Variants in MYRIP observed in about 807,000 individuals in gnomAD.
MYRIP encodes rab effector MyRIP.
MYRIP carries 49 observed loss-of-function variants against 98.0 expected under a neutral mutation model. That is an observed-to-expected ratio of 0.50 (90% confidence interval 0.40 to 0.63). The LOEUF (loss-of-function observed/expected upper bound fraction) is 0.63. Among genes scored for constraint, MYRIP ranks in the 30% least tolerant of loss-of-function variants. MYRIP has a pLI of 0.00. For synonymous variants in MYRIP, 404 were observed against 409.5 expected (o/e 0.99, Z 0.16); for missense variants, 1,004 against 1,058.2 (o/e 0.95, Z 0.71).
At chr3:39,850,193 TTGAC>T (rs1942088203) in intron 1 of MYRIP, among the ~76,000 whole-genome samples, 1 of 152,186 alleles carries the variant, frequency 6.6e-6, no homozygotes, top group Non-Finnish European at 1.5e-5. Flanking sequence ...CTGTAGTTCA[TTGAC>T]TGGGAAGCTG....
chr3:40,200,131 T>TTTTTTTTTTTTTTTTTTTTTTTTTTTG, intron 10 of MYRIP, among the ~76,000 whole-genome samples: 1 of 149,770 alleles, frequency 6.7e-6, no homozygotes, highest in East Asian at 2.0e-4. Flanking sequence ...ATTTTCTTTT[T>TTTTTTTTTTTTTTTTTTTTTTTTTTTG]ATCATAGGCC....
chr3:40,251,787 C>A, intron 15 of MYRIP, 94 bp from the exon 16 acceptor site: 3 of 816,958 alleles, frequency 3.7e-6, no homozygotes, highest in Non-Finnish European at 6.3e-6. Context: ...AAGTCTAGAA[C>A]AAAAGTCTGA....
intron 3 of MYRIP, among the ~76,000 whole-genome samples, chr3:40,127,684 G>T (rs1191045073): frequency 6.6e-6 from 1 of 152,214 alleles, no homozygotes; most frequent in Non-Finnish European, 1.5e-5. Context: ...CACAGGCTGT[G>T]CTACCCAGAC....
chr3:39,860,482 G>T (rs1245412188), intron 1 of MYRIP, among the ~76,000 whole-genome samples: 1 of 152,164 alleles, frequency 6.6e-6, no homozygotes, highest in Non-Finnish European at 1.5e-5. Flanking sequence ...ACAGATCAGG[G>T]TGATCTTGTT....
intron 3 of MYRIP, among the ~76,000 whole-genome samples, chr3:40,136,324 G>A (rs928714097): frequency 6.6e-6 from 1 of 152,210 alleles, no homozygotes; most frequent in Non-Finnish European, 1.5e-5. Context: ...AATTCAACAA[G>A]AAGAACTAAC....
intron 2 of MYRIP, among the ~76,000 whole-genome samples, chr3:40,042,277 G>A: frequency 9.0e-6 from 1 of 111,160 alleles, no homozygotes; most frequent in Admixed American, 1.1e-4. Context: ...ATATAATAAA[G>A]ACTGGAAGGA....
chr3:40,254,145 G>A (rs1038730492), intron 16 of MYRIP, among the ~76,000 whole-genome samples: 4 of 152,240 alleles, frequency 2.6e-5, no homozygotes, highest in East Asian at 3.9e-4. Context: ...GAAAAATAAC[G>A]AGACAAGTCC....
At chr3:40,128,433 A>C (rs1030506413) in intron 3 of MYRIP, among the ~76,000 whole-genome samples, 1 of 152,202 alleles carries the variant, frequency 6.6e-6, no homozygotes, top group African/African-American at 2.4e-5. Context: ...ACTTCCAAAC[A>C]GCATGTAGTT....
chr3:40,174,677 A>T (rs545156652), intron 8 of MYRIP: 1 of 152,296 alleles, frequency 6.6e-6, no homozygotes, highest in Non-Finnish European at 1.5e-5. Flanking sequence ...GTGGGGTTTT[A>T]ATGGAAGCCT....
At chr3:40,079,927 A>G (rs1352952366) in intron 3 of MYRIP, among the ~76,000 whole-genome samples, 1 of 152,256 alleles carries the variant, frequency 6.6e-6, no homozygotes, top group Non-Finnish European at 1.5e-5. Flanking sequence ...AACTAATTTT[A>G]CCATATTAAA....
chr3:39,831,382 C>G (rs1941440483), intron 1 of MYRIP, among the ~76,000 whole-genome samples: 1 of 152,168 alleles, frequency 6.6e-6, no homozygotes, highest in African/African-American at 2.4e-5. Flanking sequence ...CTTCTAAAAG[C>G]TGAACTCCTG....
chr3:40,218,348 T>C (rs1952188117), intron 11 of MYRIP, among the ~76,000 whole-genome samples: 1 of 151,834 alleles, frequency 6.6e-6, no homozygotes, highest in African/African-American at 2.4e-5. Context: ...CATGACATTC[T>C]GGAGAAGGCA....
At chr3:39,939,174 A>G (rs1038719177) in intron 2 of MYRIP, among the ~76,000 whole-genome samples, 11 of 152,118 alleles carry the variant, frequency 7.2e-5, no homozygotes, top group Admixed American at 2.6e-4. Context: ...TGCCAATCCC[A>G]TTAATGAATT....
At chr3:39,984,139 TAGAC>T (rs1391712586) in intron 2 of MYRIP, among the ~76,000 whole-genome samples, 1 of 152,116 alleles carries the variant, frequency 6.6e-6, no homozygotes, top group Non-Finnish European at 1.5e-5. Context: ...CAGGCCAACT[TAGAC>T]AGACTAGGGA....
chr3:40,172,875 C>CA lies in MYRIP; in HGVS notation c.873+2783dup, dbSNP rs538667804. On this transcript the variant is annotated intron_variant, in intron 8 of 16. Coordinates refer to ENST00000302541, the MANE Select transcript of MYRIP (RefSeq NM_015460.4). ...CACTCACTGCATCTTGGGGCTGTCTCATTCTTCCTTTATCAGAAGCTGAAA... is the reference window on the plus strand; with the variant it reads ...CACTCACTGCATCTTGGGGCTGTCTCAATTCTTCCTTTATCAGAAGCTGAAA... Among the ~76,000 whole-genome samples the CA allele has an allele frequency of 1.2e-3, 182 of 152,314 alleles. 1 individual carries two copies. Among genetic ancestry groups the CA allele is most frequent in the Non-Finnish European group, 1.1e-3 (72 of 68,032 alleles).
intron 1 of MYRIP, among the ~76,000 whole-genome samples, chr3:39,896,390 A>C (rs6804342): frequency 9.9e-4 from 151 of 152,168 alleles, no homozygotes; most frequent in African/African-American, 3.6e-3. Flanking sequence ...AACACCCTTG[A>C]AGGTGAAAGA....
chr3:39,875,125 G>T (rs1158077191), intron 1 of MYRIP, among the ~76,000 whole-genome samples: 16 of 152,162 alleles, frequency 1.1e-4, no homozygotes, highest in African/African-American at 3.4e-4. Context: ...TAATTTATTT[G>T]TGTAAAGGTG....
In MYRIP at chr3:40,212,259, C is replaced by T. The variant is rs1282661115; in HGVS notation, c.1905+2166C>T. 2.4e-4 allele frequency among the ~76,000 whole-genome samples: 24 copies of T among 100,878 alleles called. 1 individual carries two copies. Among genetic ancestry groups the T allele is most frequent in the South Asian group, 3.3e-4 (1 of 3,068 alleles). 66.2% of individuals were successfully genotyped at this position (100,878 alleles called of 152,430 possible). A position where few individuals can be genotyped will look rare whatever the true frequency, so the allele number is the denominator to read the frequency against. On this transcript the variant is annotated intron_variant, in intron 11 of 16. Coordinates refer to ENST00000302541, the MANE Select transcript of MYRIP (RefSeq NM_015460.4). Reference sequence around the variant, plus strand: ...ACACACACACACATATATATATATACACGTATATATATAGAGAGAGAGCGC... The same window carrying T: ...ACACACACACACATATATATATATATACGTATATATATAGAGAGAGAGCGC...
At chr3:39,994,447 C>G (rs1357436742) in intron 2 of MYRIP, among the ~76,000 whole-genome samples, 2 of 152,244 alleles carry the variant, frequency 1.3e-5, no homozygotes, top group East Asian at 3.8e-4. Flanking sequence ...ATTGCTAGCA[C>G]AGCAGTCTGA....
Sources: allele counts gnomAD v4.1 joint callset (sites outside exome capture counted in the v4.1 genomes callset), GRCh38; gene constraint gnomAD v4.1.1; transcripts MANE v1.5; gene names NCBI Gene and HGNC (gene_info 2026-07-23, HGNC 2026-07-21).